PARD3B: variants seen among roughly 807,000 people sequenced by gnomAD.
PARD3B encodes partitioning defective 3 homolog B.
Under a neutral mutation model 130.2 loss-of-function variants are expected in PARD3B, and 103 were observed. The observed-to-expected ratio is 0.79, with a 90% CI of 0.67 to 0.93. The LOEUF (loss-of-function observed/expected upper bound fraction) is 0.93, where lower values mean the gene tolerates loss of function less well. PARD3B is among the 40% of genes least tolerant of loss of function. The pLI is 0.00. For synonymous variants in PARD3B, 583 were observed against 553.2 expected (o/e 1.05, Z -0.76); for missense variants, 1,609 against 1,499.2 (o/e 1.07, Z -1.21).
At chr2:204,835,434 T>A (rs2043993116) in intron 2 of PARD3B, among the ~76,000 whole-genome samples, 1 of 152,180 alleles carries the variant, frequency 6.6e-6, no homozygotes, top group Admixed American at 6.5e-5. Context: ...TCTTGTTCCA[T>A]TGATCCCTCC....
chr2:205,438,147 C>T (rs2047582705), intron 19 of PARD3B, among the ~76,000 whole-genome samples: 1 of 152,100 alleles, frequency 6.6e-6, no homozygotes, highest in African/African-American at 2.4e-5. Flanking sequence ...TACTGAAACA[C>T]TCACTGGTGC....
chr2:205,306,193 C>A (rs1302350267), intron 18 of PARD3B, among the ~76,000 whole-genome samples: 2 of 152,184 alleles, frequency 1.3e-5, no homozygotes, highest in African/African-American at 4.8e-5. Flanking sequence ...AATGGATTCT[C>A]TCTGGGGAGC....
In PARD3B at chr2:205,572,876, C is replaced by T. The variant is rs2053608760; in HGVS notation, c.3260+19473C>T. 6.6e-6 allele frequency among the ~76,000 whole-genome samples: 1 copy of T among 152,112 alleles called. No individual in the cohort carries two copies. The highest frequency in any genetic ancestry group is 1.5e-5 in the Non-Finnish European group (1 of 68,032). On this transcript the variant is annotated intron_variant, in intron 22 of 22. Transcript: ENST00000406610. The surrounding 1 kb of genome is among the most constrained non-coding windows in gnomAD (Gnocchi z 4.2). Reference sequence around the variant, plus strand: ...GTGGGTGTATTAGTCCATTTTCATGCTGCTAATAAAATAATACCCAAGACT... The same window carrying T: ...GTGGGTGTATTAGTCCATTTTCATGTTGCTAATAAAATAATACCCAAGACT...
chr2:205,312,941 G>A (rs1237032750), intron 18 of PARD3B, among the ~76,000 whole-genome samples: 1 of 152,122 alleles, frequency 6.6e-6, no homozygotes, highest in East Asian at 1.9e-4. Flanking sequence ...GTTAAACCCA[G>A]TGGTGTGATC....
In PARD3B at chr2:204,671,186, C is replaced by T. The variant is rs531788783; in HGVS notation, c.121-14995C>T. Among the ~76,000 whole-genome samples the T allele has an allele frequency of 7.2e-5, 11 of 152,238 alleles. No individual in the cohort carries two copies. In the East Asian group the frequency reaches 2.1e-3, roughly 29 times the overall value. On this transcript the variant is annotated intron_variant, in intron 1 of 22. Coordinates refer to ENST00000406610, the MANE Select transcript of PARD3B (RefSeq NM_001302769.2). ...GGGTTGAGTGTAAGCCTGGTTTTTA[C>T]TTTGCTGGCGTTGGATAGAGTAGCA...
chr2:204,693,451 C>G (rs921874424), intron 2 of PARD3B, among the ~76,000 whole-genome samples: 4 of 151,960 alleles, frequency 2.6e-5, no homozygotes, highest in African/African-American at 9.7e-5. Flanking sequence ...TGCTAAACCT[C>G]TTTGTGCCTT....
At chr2:204,611,808 G>A (rs2033936360) in intron 1 of PARD3B, among the ~76,000 whole-genome samples, 1 of 151,264 alleles carries the variant, frequency 6.6e-6, no homozygotes. Context: ...AAGTTGTGTA[G>A]GGTATAGGAA....
chr2:205,194,997 C>G (rs2125811100), intron 15 of PARD3B, among the ~76,000 whole-genome samples: 1 of 136,696 alleles, frequency 7.3e-6, no homozygotes, highest in African/African-American at 2.8e-5. Flanking sequence ...TGGGGTTTCT[C>G]CATGTTGGCC....
At chr2:205,381,213 A>AT (rs2045430020) in intron 18 of PARD3B, among the ~76,000 whole-genome samples, 1 of 126,628 alleles carries the variant, frequency 7.9e-6, no homozygotes, top group East Asian at 2.1e-4. Context: ...ATATATAAAG[A>AT]ATATATATTA....
At chr2:205,107,595 A>C (rs1387461166) in intron 5 of PARD3B, among the ~76,000 whole-genome samples, 1 of 152,210 alleles carries the variant, frequency 6.6e-6, no homozygotes, top group African/African-American at 2.4e-5. Flanking sequence ...GAATCCTCCA[A>C]AGGGTTTCTG....
rs1036930660 is a variant in PARD3B, at chr2:204,813,787, G to A, written c.222+127505G>A. ...GAGACTATTCTTTCTACGCTGTATT[G>A]CCATTTGCACCTTGCTTGAAAATTC... On this transcript the variant is annotated intron_variant, in intron 2 of 22. Transcript: ENST00000406610. Among the ~76,000 whole-genome samples the A allele has an allele frequency of 4.8e-4, 73 of 151,906 alleles. 5 individuals carry two copies.
At position 205,187,025 on chromosome 2, in the gene PARD3B, G is replaced by A. The variant is rs181029176; in HGVS notation, c.2024+1162G>A. 5.7e-3 allele frequency among the ~76,000 whole-genome samples: 868 copies of A among 152,092 alleles called. 4 individuals are homozygous for A. Among genetic ancestry groups the A allele is most frequent in the Middle Eastern group, 0.017 (5 of 290 alleles). ...AACCCTGTCTTCAGGAAGCTGGTAGGCTGACAGGTAGGCTCATGGGACGAC... is the reference window on the plus strand; with the variant it reads ...AACCCTGTCTTCAGGAAGCTGGTAGACTGACAGGTAGGCTCATGGGACGAC... On this transcript the variant is annotated intron_variant, in intron 14 of 22. Coordinates refer to ENST00000406610, the MANE Select transcript of PARD3B (RefSeq NM_001302769.2). The surrounding 1 kb of genome is among the most constrained non-coding windows in gnomAD (Gnocchi z 4.9).
At chr2:205,207,539 A>G (rs2037388284) in intron 15 of PARD3B, among the ~76,000 whole-genome samples, 1 of 142,404 alleles carries the variant, frequency 7.0e-6, no homozygotes, top group Non-Finnish European at 1.5e-5. Context: ...AGGGGATATC[A>G]CCACCGATCC....
At chr2:205,026,009 G>A (rs72927558) in intron 3 of PARD3B, among the ~76,000 whole-genome samples, 1 of 152,094 alleles carries the variant, frequency 6.6e-6, no homozygotes, top group East Asian at 1.9e-4. Context: ...GTACGCTAGG[G>A]TCTGAGCATA....
rs2035551831 is a variant in PARD3B, at chr2:204,653,545, C to G, written c.121-32636C>G. On this transcript the variant is annotated intron_variant, in intron 1 of 22. Transcript: ENST00000406610. ...GTGGCTCATGCCTGTAATCCCAGCA[C>G]TTTGGGAGGCCGAGGTGGGTGGATC... Among the ~76,000 whole-genome samples, 4 of 150,918 alleles carry G rather than the reference C, an allele frequency of 2.7e-5. No individual in the cohort carries two copies. In the South Asian group the frequency reaches 8.3e-4, roughly 31 times the overall value.
chr2:205,340,630 C>G (rs1244373569), intron 18 of PARD3B, among the ~76,000 whole-genome samples: 2 of 152,004 alleles, frequency 1.3e-5, no homozygotes, highest in Non-Finnish European at 2.9e-5. Context: ...GGTAAGATCC[C>G]AAACTATGCA....
chr2:204,744,485 TG>T (rs2125370898), intron 2 of PARD3B, among the ~76,000 whole-genome samples: 1 of 152,310 alleles, frequency 6.6e-6, no homozygotes, highest in South Asian at 2.1e-4. Context: ...AACAGACAAA[TG>T]TTTTTAATCT....
At chr2:205,481,358 G>A (rs1480025395) in intron 20 of PARD3B, among the ~76,000 whole-genome samples, 2 of 152,098 alleles carry the variant, frequency 1.3e-5, no homozygotes, top group Non-Finnish European at 2.9e-5. Context: ...TGTCGACAAT[G>A]GAAAGAGAGC....
At chr2:205,261,301 C>T (rs528066741) in intron 16 of PARD3B, among the ~76,000 whole-genome samples, 2 of 151,876 alleles carry the variant, frequency 1.3e-5, no homozygotes, top group East Asian at 3.9e-4. Context: ...TTCAAATAAA[C>T]CATTGGGTTT....
Sources: allele counts gnomAD v4.1 joint callset (sites outside exome capture counted in the v4.1 genomes callset), GRCh38; gene constraint gnomAD v4.1.1; non-coding constraint Gnocchi (gnomAD v3.1); transcripts MANE v1.5; gene names NCBI Gene and HGNC (gene_info 2026-07-23, HGNC 2026-07-21).